Variants in FAM117A observed in about 807,000 individuals in gnomAD.
FAM117A encodes the protein family with sequence similarity 117 member A.
In FAM117A, 21 loss-of-function variants were observed where a neutral mutation model predicts 44.1. The ratio of observed to expected loss-of-function variants is 0.48; its 90% CI spans 0.34 to 0.69. The LOEUF is 0.69. FAM117A is among the 30% of genes least tolerant of loss of function. FAM117A has a pLI of 0.01. For synonymous variants in FAM117A, 220 were observed against 238.3 expected, an observed-to-expected ratio of 0.92 and a Z score of 0.71; for missense variants, 498 against 589.9, an observed-to-expected ratio of 0.84 and a Z score of 1.61.
Position 49,711,220 on chromosome 17 carries a change from G to A in FAM117A, c.*35C>T. On this transcript the variant is annotated 3_prime_UTR_variant, in exon 8 of 8. Transcript: ENST00000240364. ...GGGAGGGACCTGCCACCAAGGCACTGGTCTCTATGGTAAAGTGGGGCAGGG... is the reference window on the plus strand; with the variant it reads ...GGGAGGGACCTGCCACCAAGGCACTAGTCTCTATGGTAAAGTGGGGCAGGG... The A allele has an allele frequency of 1.3e-6, 2 of 1,550,196 alleles. No homozygotes were observed. The highest frequency in any genetic ancestry group is 1.7e-6 in the Non-Finnish European group (2 of 1,146,542).
intron 1 of FAM117A, among the ~76,000 whole-genome samples, chr17:49,750,927 A>G (rs953145712): frequency 6.6e-6 from 1 of 152,224 alleles, no homozygotes; most frequent in African/African-American, 2.4e-5. Flanking sequence ...ATACAGAAGC[A>G]TTTTTGTAAT....
intron 1 of FAM117A, among the ~76,000 whole-genome samples, chr17:49,753,159 G>A (rs910164378): frequency 3.9e-5 from 6 of 152,110 alleles, no homozygotes; most frequent in East Asian, 1.9e-4. Context: ...CACCACACCC[G>A]GCCCCAATTC....
At chr17:49,755,410 T>A (rs2073694919) in intron 1 of FAM117A, among the ~76,000 whole-genome samples, 2 of 152,206 alleles carry the variant, frequency 1.3e-5, no homozygotes, top group Non-Finnish European at 2.9e-5. Flanking sequence ...AAAATCTACC[T>A]GGAGTGAAAA....
chr17:49,782,457 A>G (rs1290503524), intron 1 of FAM117A, among the ~76,000 whole-genome samples: 2 of 151,698 alleles, frequency 1.3e-5, no homozygotes. Flanking sequence ...TGGGAGGCCA[A>G]AGCGGGTAGA....
intron 2 of FAM117A, among the ~76,000 whole-genome samples, chr17:49,730,267 C>T (rs2073579056): frequency 1.3e-5 from 2 of 152,246 alleles, no homozygotes; most frequent in African/African-American, 2.4e-5. Context: ...AGGAAAGCTG[C>T]ATGGCTTGGC....
intron 1 of FAM117A, among the ~76,000 whole-genome samples, chr17:49,774,710 T>C (rs558768157): frequency 5.3e-5 from 8 of 152,320 alleles, no homozygotes; most frequent in African/African-American, 1.7e-4. Context: ...TCCAGCAATG[T>C]TGAGTCAGTG....
chr17:49,782,141 C>A (rs957789021), intron 1 of FAM117A, among the ~76,000 whole-genome samples: 1 of 151,738 alleles, frequency 6.6e-6, no homozygotes, highest in Non-Finnish European at 1.5e-5. Flanking sequence ...TTTGGGAGGC[C>A]GAGGTGGGCG....
At chr17:49,756,916 CA>C (rs59004870) in intron 1 of FAM117A, among the ~76,000 whole-genome samples, 48,975 of 109,830 alleles carry the variant, frequency 0.45, 10,126 homozygotes, top group East Asian at 0.68. Flanking sequence ...GACTCTGCCT[CA>C]AAAAAAAAAA....
intron 1 of FAM117A, among the ~76,000 whole-genome samples, chr17:49,736,999 AC>A (rs1471033041): frequency 6.6e-6 from 1 of 152,162 alleles, no homozygotes; most frequent in Non-Finnish European, 1.5e-5. Context: ...AAATTGAAAA[AC>A]CTTCACAAGA....
intron 1 of FAM117A, among the ~76,000 whole-genome samples, chr17:49,779,223 C>T (rs953194825): frequency 1.3e-5 from 2 of 152,160 alleles, no homozygotes; most frequent in Admixed American, 6.5e-5. Flanking sequence ...CTGTCTTTAC[C>T]CCTCCATGGA....
intron 2 of FAM117A, among the ~76,000 whole-genome samples, chr17:49,730,252 GAA>G (rs1423443150): frequency 6.6e-6 from 1 of 152,244 alleles, no homozygotes; most frequent in African/African-American, 2.4e-5. Flanking sequence ...CCATCCCAGG[GAA>G]AGAGGAAAGC....
intron 1 of FAM117A, among the ~76,000 whole-genome samples, chr17:49,761,251 G>T (rs2073721581): frequency 6.6e-6 from 1 of 152,154 alleles, no homozygotes; most frequent in African/African-American, 2.4e-5. Flanking sequence ...TGTTTAGAAA[G>T]TTCATTTTAA....
At chr17:49,719,669 G>A in intron 5 of FAM117A, 91 bp downstream of exon 5, 1 of 1,423,364 alleles carries the variant, frequency 7.0e-7, no homozygotes, top group Admixed American at 2.7e-5. Flanking sequence ...CATAGCCTGT[G>A]AGGCCCCAGA....
intron 3 of FAM117A, among the ~76,000 whole-genome samples, chr17:49,721,406 C>T (rs1401273218): frequency 6.6e-6 from 1 of 152,208 alleles, no homozygotes; most frequent in Non-Finnish European, 1.5e-5. Context: ...GAAGAAAGAG[C>T]TTTCCAATTT....
chr17:49,750,999 G>T (rs563566009), intron 1 of FAM117A, among the ~76,000 whole-genome samples: 2 of 152,206 alleles, frequency 1.3e-5, no homozygotes, highest in African/African-American at 4.8e-5. Flanking sequence ...AAAGGTTTCG[G>T]CTGGGTACAA....
chr17:49,767,976 A>G (rs2073750247), upstream of FAM117A, among the ~76,000 whole-genome samples: 1 of 152,154 alleles, frequency 6.6e-6, no homozygotes, highest in African/African-American at 2.4e-5. Flanking sequence ...TCTATAAGAG[A>G]CTTATTTGCT....
At chr17:49,732,049 G>T (rs2073587622) in intron 2 of FAM117A, among the ~76,000 whole-genome samples, 2 of 152,186 alleles carry the variant, frequency 1.3e-5, no homozygotes, top group South Asian at 4.1e-4. Flanking sequence ...GCCTCCAAAA[G>T]TGCTGAGATT....
At chr17:49,745,753 AT>A (rs1224432775) in intron 1 of FAM117A, among the ~76,000 whole-genome samples, 1 of 152,246 alleles carries the variant, frequency 6.6e-6, no homozygotes, top group Non-Finnish European at 1.5e-5. Flanking sequence ...TGTTTTCAAA[AT>A]GTTAGTCTCA....
At chr17:49,786,422 G>T (rs748776435) in intron 1 of FAM117A, among the ~76,000 whole-genome samples, 1 of 152,170 alleles carries the variant, frequency 6.6e-6, no homozygotes, top group Non-Finnish European at 1.5e-5. Context: ...AAACAGTAAT[G>T]ATATTCTTAC....
Sources: allele counts gnomAD v4.1 joint callset (sites outside exome capture counted in the v4.1 genomes callset), GRCh38; gene constraint gnomAD v4.1.1; transcripts MANE v1.5; gene names NCBI Gene and HGNC (gene_info 2026-07-23, HGNC 2026-07-21).